UBE2B: variants seen among roughly 807,000 people sequenced by gnomAD.
UBE2B encodes ubiquitin-conjugating enzyme E2 B.
A neutral mutation model predicts 24.6 loss-of-function variants in UBE2B; 11 were observed. That is an observed-to-expected ratio of 0.45 (90% CI 0.28 to 0.74). The LOEUF (loss-of-function observed/expected upper bound fraction) is 0.74. Ranked by LOEUF, UBE2B falls within the 30% of genes least tolerant of loss-of-function variation. The pLI is 0.13. For synonymous variants in UBE2B, 68 were observed against 62.4 expected (o/e 1.09, Z -0.42); for missense variants, 78 against 185.6 (o/e 0.42, Z 3.37).
intron 3 of UBE2B, among the ~76,000 whole-genome samples, chr5:134,380,191 G>A (rs752436394): frequency 1.3e-5 from 2 of 152,128 alleles, no homozygotes; most frequent in African/African-American, 2.4e-5. Flanking sequence ...AATTACAGGC[G>A]TGAGCCACCC....
chr5:134,390,192 T>C lies in UBE2B; in HGVS notation c.331-33T>C. 8.7e-6 allele frequency: 14 copies of C among 1,613,062 alleles called. No homozygotes were observed. Among genetic ancestry groups the C allele is most frequent in the Non-Finnish European group, 1.1e-5 (13 of 1,179,794 alleles). On this transcript the variant is annotated intron_variant, in intron 5 of 5. Transcript: ENST00000265339. The surrounding 1 kb of genome is among the most constrained non-coding windows in gnomAD (Gnocchi z 4.6). ...CCCCTGTTGGTATAAAGAACAACTATGCAAATCTGTTTTTTCTTTTCTTTC... is the reference window on the plus strand; with the variant it reads ...CCCCTGTTGGTATAAAGAACAACTACGCAAATCTGTTTTTTCTTTTCTTTC...
intron 3 of UBE2B, among the ~76,000 whole-genome samples, chr5:134,378,744 G>T (rs1369011380): frequency 2.0e-5 from 3 of 152,016 alleles, no homozygotes; most frequent in Non-Finnish European, 2.9e-5. Context: ...ATTCAGGTTT[G>T]AATATATGGC....
chr5:134,385,829 T>C (rs1401364698), intron 4 of UBE2B, among the ~76,000 whole-genome samples: 2 of 151,684 alleles, frequency 1.3e-5, no homozygotes, highest in Non-Finnish European at 2.9e-5. Context: ...CTGGCCAGCA[T>C]AGTGAAACCC....
intron 2 of UBE2B, 151 bp from the exon 3 acceptor site, chr5:134,376,518 G>A: frequency 1.4e-6 from 1 of 709,450 alleles, no homozygotes; most frequent in Non-Finnish European, 2.4e-6. Context: ...GAAAATCCAG[G>A]GCTAAGGTGT....
chr5:134,376,556 A>C, intron 2 of UBE2B, 113 bp from the exon 3 acceptor site: 1 of 1,149,132 alleles, frequency 8.7e-7, no homozygotes, highest in Non-Finnish European at 1.3e-6. Flanking sequence ...AAACTCCACA[A>C]ATCATCAGAA....
At chr5:134,379,129 C>T (rs1045497266) in intron 3 of UBE2B, among the ~76,000 whole-genome samples, 1 of 151,960 alleles carries the variant, frequency 6.6e-6, no homozygotes, top group Non-Finnish European at 1.5e-5. Context: ...TCTGTAAACT[C>T]GAGTCACCCA....
chr5:134,376,587 G>C (rs1758614729), intron 2 of UBE2B, 82 bp from the exon 3 acceptor site: 1 of 1,457,472 alleles, frequency 6.9e-7, no homozygotes, highest in Non-Finnish European at 9.6e-7. Context: ...TTTTTCTGTT[G>C]AAGTTTATCC....
chr5:134,383,286 A>G (rs1333207714), intron 4 of UBE2B, among the ~76,000 whole-genome samples: 1 of 152,136 alleles, frequency 6.6e-6, no homozygotes, highest in Non-Finnish European at 1.5e-5. Flanking sequence ...TTTAAATAGC[A>G]CTTTGAACAT....
At chr5:134,378,601 A>T (rs1393550480) in intron 3 of UBE2B, among the ~76,000 whole-genome samples, 1 of 152,188 alleles carries the variant, frequency 6.6e-6, no homozygotes, top group Non-Finnish European at 1.5e-5. Context: ...GAATGTATGA[A>T]CAAAGCACTT....
Position 134,390,476 on chromosome 5 carries a change from C to A in UBE2B, c.*123C>A. On this transcript the variant is annotated 3_prime_UTR_variant, in exon 6 of 6. Coordinates refer to ENST00000265339, the MANE Select transcript of UBE2B (RefSeq NM_003337.4). This position sits in a 1 kb window ranked among gnomAD's most constrained non-coding sequence, Gnocchi z 4.6. ...TTCTGCAGAAAAAAAAGAAAAAAGT[C>A]CTTCAGTTTAGAACCTACAAAAGCT... The A allele has an allele frequency of 8.0e-7, 1 of 1,255,482 alleles. No homozygotes were observed. The highest frequency in any genetic ancestry group is 1.1e-6 in the Non-Finnish European group (1 of 897,904). The allele number at this position is 1,255,482 out of a possible 1,614,324, so 77.8% of individuals were successfully genotyped here.
rs114542510 is a variant in UBE2B, at chr5:134,384,887, C to T, written c.242-3438C>T. On this transcript the variant is annotated intron_variant, in intron 4 of 5. Coordinates refer to ENST00000265339, the MANE Select transcript of UBE2B (RefSeq NM_003337.4). ...CTTCAGTCCTAGGTAAGTGTTACCCCTAACGTGTTTTCCCTCTAGATTTGA... is the reference window on the plus strand; with the variant it reads ...CTTCAGTCCTAGGTAAGTGTTACCCTTAACGTGTTTTCCCTCTAGATTTGA... 8.1e-3 allele frequency among the ~76,000 whole-genome samples: 1,232 copies of T among 152,260 alleles called. 12 individuals carry two copies. Among genetic ancestry groups the T allele is most frequent in the African/African-American group, 0.028 (1,158 of 41,548 alleles).
rs759780443 is a variant in UBE2B at position 134,374,376 on chromosome 5, T to G, written c.45-7T>G. 4.3e-5 allele frequency: 66 copies of G among 1,552,850 alleles called. No individual in the cohort carries two copies. In the South Asian group the frequency reaches 7.0e-4, roughly 17 times the overall value. ...CAACTTTTTAAATTACCACGCTGGA[T>G]TTCCAGGTTACAAGAGGACCCACCT... On this transcript the variant is annotated splice_polypyrimidine_tract_variant and splice_region_variant and intron_variant, in intron 1 of 5. Transcript: ENST00000265339.
chr5:134,386,365 C>T (rs948087106), intron 4 of UBE2B, among the ~76,000 whole-genome samples: 1 of 151,284 alleles, frequency 6.6e-6, no homozygotes. Context: ...CACAGTGGCT[C>T]ATGCTTGTAA....
Position 134,390,044 on chromosome 5 carries a change from G to A in UBE2B, c.331-181G>A. ...AGAAGCTTAAGTTCCTTAGCAGCAGGAAACCCCATAGTATTTATCAAATCA... is the reference window on the plus strand; with the variant it reads ...AGAAGCTTAAGTTCCTTAGCAGCAGAAAACCCCATAGTATTTATCAAATCA... On this transcript the variant is annotated intron_variant, in intron 5 of 5. Transcript: ENST00000265339. The surrounding 1 kb of genome is among the most constrained non-coding windows in gnomAD (Gnocchi z 4.6). 1.5e-6 allele frequency: 1 copy of A among 672,456 alleles called. No individual in the cohort carries two copies. The highest frequency in any genetic ancestry group is 3.0e-5 in the East Asian group (1 of 33,102). 41.7% of individuals were successfully genotyped at this position (672,456 alleles called of 1,614,324 possible).
At position 134,390,714 on chromosome 5, in the gene UBE2B, G is replaced by T. The variant is rs1758885065; in HGVS notation, c.*361G>T. ...CTTTAGATTTTTAAATTGGAGAAAA[G>T]CACTTAAAGTTTTTTATATATGAAT... On this transcript the variant is annotated 3_prime_UTR_variant, in exon 6 of 6. Coordinates refer to ENST00000265339, the MANE Select transcript of UBE2B (RefSeq NM_003337.4). This position sits in a 1 kb window ranked among gnomAD's most constrained non-coding sequence, Gnocchi z 4.6. The T allele has an allele frequency of 3.9e-6, 1 of 256,108 alleles. No homozygotes were observed. The highest frequency in any genetic ancestry group is 2.3e-5 in the African/African-American group (1 of 43,264). The allele number at this position is 256,108 out of a possible 1,614,324, so 15.9% of individuals were successfully genotyped here. A position where few individuals can be genotyped will look rare whatever the true frequency, so the allele number is the denominator to read the frequency against.
In UBE2B at chr5:134,374,508, T is replaced by C; in HGVS notation, c.125+45T>C. The stretch of plus-strand genomic sequence containing the variant: ...AAATAATAGGTGTGTGCTGAATCTT[T>C]AAGAAAAGTAAACATATAACAACTG... On this transcript the variant is annotated intron_variant, in intron 2 of 5. Coordinates refer to ENST00000265339, the MANE Select transcript of UBE2B (RefSeq NM_003337.4). The C allele has an allele frequency of 3.2e-6, 5 of 1,539,008 alleles. No individual in the cohort carries two copies. The South Asian group carries it at 6.0e-5, about 18-fold the overall frequency.
chr5:134,378,783 G>A (rs1462897942), intron 3 of UBE2B, among the ~76,000 whole-genome samples: 1 of 152,048 alleles, frequency 6.6e-6, no homozygotes, highest in African/African-American at 2.4e-5. Flanking sequence ...AATGTAATAA[G>A]CTCGGTGTGG....
At chr5:134,380,496 C>T (rs933193060) in intron 3 of UBE2B, among the ~76,000 whole-genome samples, 2 of 152,166 alleles carry the variant, frequency 1.3e-5, no homozygotes, top group Admixed American at 6.5e-5. Context: ...TTAACACTCC[C>T]ACCAATAGCA....
Position 134,380,762 on chromosome 5 carries a change from T to C in UBE2B, c.195T>C (p.Asn65=). The C allele has an allele frequency of 1.3e-6, 2 of 1,594,318 alleles. No individual in the cohort carries two copies. Among genetic ancestry groups the C allele is most frequent in the Non-Finnish European group, 1.7e-6 (2 of 1,162,656 alleles). The change falls in exon 4 of 6, where the codon AAT becomes AAC. Residue 65 remains asparagine (N), a synonymous_variant. Coordinates refer to ENST00000265339, the MANE Select transcript of UBE2B (RefSeq NM_003337.4). ...TAGAATTTTCTGAAGAATATCCAAA[T>C]AAACCACCAACTGTTAGGTTTTTAT... ...LVIEFSEEYP[N]KPPTVRFLSK...
Sources: allele counts gnomAD v4.1 joint callset (sites outside exome capture counted in the v4.1 genomes callset), GRCh38; gene constraint gnomAD v4.1.1; non-coding constraint Gnocchi (gnomAD v3.1); transcripts MANE v1.5; gene names NCBI Gene and HGNC (gene_info 2026-07-23, HGNC 2026-07-21).